ZYG11B: variants seen among roughly 807,000 people sequenced by gnomAD.
ZYG11B encodes zyg-11 family member B, cell cycle regulator.
A neutral mutation model predicts 82.4 loss-of-function variants in ZYG11B; 36 were observed. That is an observed-to-expected ratio of 0.44 (90% CI 0.33 to 0.58). The LOEUF (loss-of-function observed/expected upper bound fraction) is 0.58, where lower values mean the gene tolerates loss of function less well. ZYG11B is among the 20% of genes least tolerant of loss of function. ZYG11B has a pLI of 0.02. For synonymous variants in ZYG11B, 303 were observed against 312.8 expected (o/e 0.97, Z 0.33); for missense variants, 552 against 895.6 (o/e 0.62, Z 4.90).
At chr1:52,790,881 A>T (rs1036653959) in intron 6 of ZYG11B, among the ~76,000 whole-genome samples, 1 of 149,506 alleles carries the variant, frequency 6.7e-6, no homozygotes, top group Non-Finnish European at 1.5e-5. Context: ...ATATAACTAG[A>T]TTCCATTAAA....
intron 1 of ZYG11B, among the ~76,000 whole-genome samples, chr1:52,728,135 T>C (rs1394067027): frequency 6.6e-6 from 1 of 152,234 alleles, no homozygotes; most frequent in African/African-American, 2.4e-5. Context: ...CCTTACTTAT[T>C]ATTCCAAGTG....
At chr1:52,764,930 G>T (rs1477424529) in intron 2 of ZYG11B, among the ~76,000 whole-genome samples, 1 of 152,098 alleles carries the variant, frequency 6.6e-6, no homozygotes, top group Non-Finnish European at 1.5e-5. Flanking sequence ...CCTAACAGTA[G>T]TTTCAGATGT....
rs113377024 is a variant in ZYG11B, at chr1:52,767,006, C to CAAA, written c.197-4003_197-4001dup. On this transcript the variant is annotated intron_variant, in intron 2 of 13. Coordinates refer to ENST00000294353, the MANE Select transcript of ZYG11B (RefSeq NM_024646.3). Reference sequence around the variant, plus strand: ...CTGGGTGAAAAGCGAGACTCCGTCTCAAAAAAAAAAAAATTATTTTATTTT... The same window carrying CAAA: ...CTGGGTGAAAAGCGAGACTCCGTCTCAAAAAAAAAAAAAAAATTATTTTATTTT... Among the ~76,000 whole-genome samples the CAAA allele has an allele frequency of 3.4e-4, 47 of 138,386 alleles. No individual in the cohort carries two copies. In the East Asian group the frequency reaches 3.5e-3, roughly 10 times the overall value. The allele number at this position is 138,386 out of a possible 152,430, so 90.8% of individuals were successfully genotyped here. A position where few individuals can be genotyped will look rare whatever the true frequency, so the allele number is the denominator to read the frequency against.
At chr1:52,749,613 A>G (rs1644504509) in intron 1 of ZYG11B, among the ~76,000 whole-genome samples, 1 of 151,786 alleles carries the variant, frequency 6.6e-6, no homozygotes, top group African/African-American at 2.4e-5. Context: ...TTTATTTTTT[A>G]TTTTTTTGAG....
intron 10 of ZYG11B, among the ~76,000 whole-genome samples, chr1:52,803,173 CATATA>C (rs1351962952): frequency 9.0e-5 from 5 of 55,498 alleles, no homozygotes; most frequent in Admixed American, 2.4e-4. Context: ...TATATACACA[CATATA>C]TATATATATA....
chr1:52,790,613 C>T (rs565211624), intron 6 of ZYG11B, among the ~76,000 whole-genome samples: 15 of 149,544 alleles, frequency 1.0e-4, no homozygotes, highest in African/African-American at 3.0e-4. Flanking sequence ...CCCAGCTACT[C>T]GGGAGACTGA....
intron 1 of ZYG11B, among the ~76,000 whole-genome samples, chr1:52,752,554 C>G (rs12082338): frequency 6.6e-5 from 10 of 152,260 alleles, no homozygotes; most frequent in South Asian, 6.2e-4. Flanking sequence ...TTCCTGAATT[C>G]TGTGAGTCAT....
intron 1 of ZYG11B, among the ~76,000 whole-genome samples, chr1:52,735,755 C>T (rs1410481013): frequency 2.0e-5 from 3 of 151,968 alleles, no homozygotes; most frequent in African/African-American, 7.2e-5. Flanking sequence ...CTAGGCTGGT[C>T]TCGAACTCCT....
At chr1:52,752,886 C>T (rs1031838193) in intron 1 of ZYG11B, among the ~76,000 whole-genome samples, 3 of 151,514 alleles carry the variant, frequency 2.0e-5, no homozygotes, top group Non-Finnish European at 2.9e-5. Flanking sequence ...CTCGCTATGT[C>T]GCCCAGGCTG....
At chr1:52,798,174 A>C (rs1181914222) in intron 8 of ZYG11B, among the ~76,000 whole-genome samples, 1 of 152,004 alleles carries the variant, frequency 6.6e-6, no homozygotes, top group African/African-American at 2.4e-5. Context: ...AAGTGAATTT[A>C]TTTCTTTTCA....
At chr1:52,745,501 GA>G (rs1644468323) in intron 1 of ZYG11B, among the ~76,000 whole-genome samples, 1 of 152,134 alleles carries the variant, frequency 6.6e-6, no homozygotes, top group Admixed American at 6.6e-5. Context: ...AGTAGACACT[GA>G]AACATTTACT....
intron 6 of ZYG11B, among the ~76,000 whole-genome samples, chr1:52,794,463 A>G (rs1028292250): frequency 8.5e-5 from 13 of 152,212 alleles, no homozygotes; most frequent in African/African-American, 3.1e-4. Context: ...ATAATCATTC[A>G]GTCAACATAT....
At chr1:52,764,735 A>G (rs1056610546) in intron 2 of ZYG11B, among the ~76,000 whole-genome samples, 7 of 152,182 alleles carry the variant, frequency 4.6e-5, no homozygotes, top group Admixed American at 3.9e-4. Flanking sequence ...GGGAAAAAGA[A>G]CACTGTTCTC....
At chr1:52,790,792 T>G (rs1351544930) in intron 6 of ZYG11B, among the ~76,000 whole-genome samples, 4 of 147,904 alleles carry the variant, frequency 2.7e-5, no homozygotes, top group Non-Finnish European at 6.0e-5. Flanking sequence ...TTTTTTTTTT[T>G]GTAACATGTC....
intron 2 of ZYG11B, among the ~76,000 whole-genome samples, chr1:52,768,588 T>A (rs1364080625): frequency 1.4e-5 from 2 of 144,922 alleles, no homozygotes; most frequent in Non-Finnish European, 3.0e-5. Context: ...ATACCTAACC[T>A]TCTTCCTCTT....
chr1:52,779,712 A>T, intron 3 of ZYG11B, 141 bp from the exon 4 acceptor site: 1 of 963,568 alleles, frequency 1.0e-6, no homozygotes, highest in Non-Finnish European at 1.5e-6. Context: ...GTGGTCTCGA[A>T]CTCCTGACTT....
chr1:52,803,636 C>G (rs910199481), intron 10 of ZYG11B, among the ~76,000 whole-genome samples: 1 of 152,122 alleles, frequency 6.6e-6, no homozygotes, highest in Non-Finnish European at 1.5e-5. Flanking sequence ...GTCTGTCACT[C>G]TGTTGCCCAT....
intron 6 of ZYG11B, among the ~76,000 whole-genome samples, chr1:52,794,669 A>G (rs2149953364): frequency 6.6e-6 from 1 of 152,270 alleles, no homozygotes; most frequent in East Asian, 1.9e-4. Context: ...CAATGTGTCA[A>G]AGAAACCACC....
Position 52,789,915 on chromosome 1 carries a change from C to CTTCT in ZYG11B, c.1270-86_1270-85insCTTT, listed in dbSNP as rs762666164. 37 of 730,734 alleles carry CTTCT rather than the reference C, an allele frequency of 5.1e-5. No homozygotes were observed. In the African/African-American group the frequency reaches 5.7e-4, roughly 11 times the overall value. The allele number at this position is 730,734 out of a possible 1,614,324, so 45.3% of individuals were successfully genotyped here. On this transcript the variant is annotated intron_variant, in intron 5 of 13. Coordinates refer to ENST00000294353, the MANE Select transcript of ZYG11B (RefSeq NM_024646.3). ...TAACTGGTGTTTCATCAGTCTTCTT[C>CTTCT]TTTTTTTTTTTTTATGGAAGCTACC...
Sources: gnomAD v4.1 joint callset for allele counts (sites outside exome capture counted in the v4.1 genomes callset) on GRCh38, gnomAD v4.1.1 for gene constraint, MANE v1.5 for transcripts, NCBI Gene and HGNC (gene_info 2026-07-23, HGNC 2026-07-21) for gene names.